Variants in ANKLE2 observed in about 807,000 individuals in gnomAD.
ANKLE2 encodes the protein ankyrin repeat and LEM domain containing 2, also known as ankyrin repeat and LEM domain-containing protein 2.
A neutral mutation model predicts 84.2 loss-of-function variants in ANKLE2; 55 were observed. The ratio of observed to expected loss-of-function variants is 0.65; its 90% CI spans 0.53 to 0.82. ANKLE2 has a LOEUF of 0.82. Ranked by LOEUF, ANKLE2 falls within the 40% of genes least tolerant of loss-of-function variation. The pLI is 0.00. For missense variants in ANKLE2, 1,238 were observed against 1,201.9 expected (o/e 1.03, Z -0.44); for synonymous variants, 551 against 486.1 (o/e 1.13, Z -1.76).
chr12:132,754,682 C>G lies in ANKLE2; in HGVS notation c.633G>C (p.Ala211=). The change falls in exon 2 of 13, where the codon GCG becomes GCC. Residue 211 remains alanine, a synonymous_variant. Coordinates refer to ENST00000357997, the MANE Select transcript of ANKLE2 (RefSeq NM_015114.3). ...GVCPVYEDVP[A]RNERIYVYEN... ...TACACACGGTCCCATTACCATTTCT[C>G]GCTGGGACGTCCTCATACACTGGAC... The G allele has an allele frequency of 6.3e-7, 1 of 1,599,564 alleles. No individual in the cohort carries two copies. The highest frequency in any genetic ancestry group is 8.5e-7 in the Non-Finnish European group (1 of 1,170,834).
intron 1 of ANKLE2, chr12:132,755,524 A>G (rs1159992087): frequency 6.4e-6 from 1 of 155,780 alleles, no homozygotes; most frequent in Non-Finnish European, 1.4e-5. Flanking sequence ...CAGCTTAGAC[A>G]ACAAGAGCGA....
intron 5 of ANKLE2, among the ~76,000 whole-genome samples, chr12:132,746,722 C>T (rs1336156475): frequency 6.6e-6 from 1 of 152,116 alleles, no homozygotes; most frequent in Non-Finnish European, 1.5e-5. Context: ...AAATTCAAGC[C>T]TCACATTACC....
chr12:132,752,280 GA>G (rs2044373776), intron 2 of ANKLE2, among the ~76,000 whole-genome samples: 1 of 152,172 alleles, frequency 6.6e-6, no homozygotes, highest in African/African-American at 2.4e-5. Context: ...GCAGAGGTTG[GA>G]GTGAGCCAAG....
At chr12:132,730,320 C>A in intron 10 of ANKLE2, 50 bp from the exon 11 acceptor site, 2 of 1,474,060 alleles carry the variant, frequency 1.4e-6, no homozygotes, top group South Asian at 1.3e-5. Flanking sequence ...CAGGAAGCCA[C>A]GGAGCTGCTC....
At position 132,747,968 on chromosome 12, in the gene ANKLE2, G is replaced by A; in HGVS notation, c.1094C>T (p.Ser365Phe). 1 of 1,598,578 alleles carries A rather than the reference G, an allele frequency of 6.3e-7. No homozygotes were observed. Among genetic ancestry groups the A allele is most frequent in the Non-Finnish European group, 8.5e-7 (1 of 1,176,190 alleles). The change falls in exon 5 of 13, where the codon TCC (serine) becomes TTC (phenylalanine). Residue 365 changes from serine (S) to phenylalanine (F), a missense_variant. Around this residue, in one of 3 missense-constraint regions of ANKLE2, gnomAD observed 802 missense variants for 774.5 expected, o/e 1.04. Transcript: ENST00000357997. ...MHVAAKENQA[S>F]ICQLTLDVLE... ...GACGTCCAGAGTCAGCTGGCAGATG[G>A]AAGCCTGGTTCTCTTTGGCAGCAAC... is the stretch of plus-strand genomic sequence containing the variant.
intron 8 of ANKLE2, among the ~76,000 whole-genome samples, chr12:132,736,429 A>G (rs755809681): frequency 4.6e-5 from 7 of 152,204 alleles, no homozygotes; most frequent in Non-Finnish European, 8.8e-5. Flanking sequence ...GATGAGTAGA[A>G]CCTGGGGCTG....
intron 1 of ANKLE2, 178 bp downstream of exon 1, chr12:132,761,440 C>T (rs930257187): frequency 7.3e-5 from 36 of 492,236 alleles, no homozygotes; most frequent in African/African-American, 6.9e-4. Context: ...GAAGCCAAGT[C>T]CCCGCAACTG....
Position 132,728,027 on chromosome 12 carries a change from C to T in ANKLE2, c.2615+5G>A. ...CGGGTGACAGGCTGTCCGGGCCCCACATACCTCTGTCTGTCCGAGGGTGAG... is the reference window on the plus strand; with the variant it reads ...CGGGTGACAGGCTGTCCGGGCCCCATATACCTCTGTCTGTCCGAGGGTGAG... On this transcript the variant is annotated splice_donor_5th_base_variant and intron_variant, in intron 12 of 12. Coordinates refer to ENST00000357997, the MANE Select transcript of ANKLE2 (RefSeq NM_015114.3). The T allele has an allele frequency of 1.3e-6, 2 of 1,596,968 alleles. No individual in the cohort carries two copies. The highest frequency in any genetic ancestry group is 1.1e-5 in the South Asian group (1 of 88,900).
intron 12 of ANKLE2, among the ~76,000 whole-genome samples, 189 bp from the exon 13 acceptor site, chr12:132,727,632 G>A (rs1441536391): frequency 4.0e-5 from 6 of 150,936 alleles, no homozygotes; most frequent in Non-Finnish European, 7.4e-5. Flanking sequence ...GGCACCGCGG[G>A]CACACGCGCC....
intron 10 of ANKLE2, among the ~76,000 whole-genome samples, chr12:132,732,363 ATACGCAC>A (rs2043882273): frequency 7.7e-6 from 1 of 130,350 alleles, no homozygotes; most frequent in African/African-American, 3.1e-5. Flanking sequence ...CTGGTGTCTG[ATACGCAC>A]TGTGAAGCGC....
At chr12:132,749,677 T>C (rs1446916271) in intron 3 of ANKLE2, among the ~76,000 whole-genome samples, 1 of 152,196 alleles carries the variant, frequency 6.6e-6, no homozygotes, top group Non-Finnish European at 1.5e-5. Context: ...GAGCAGGAAC[T>C]GAGGCCAGAT....
chr12:132,742,891 G>T (rs2044161148), intron 6 of ANKLE2, among the ~76,000 whole-genome samples: 1 of 66,514 alleles, frequency 1.5e-5, no homozygotes, highest in South Asian at 5.5e-4. Flanking sequence ...AAAAGACTGT[G>T]AGCTGTTCAA....
chr12:132,761,082 A>AT (rs1335580966), intron 1 of ANKLE2: 5 of 152,432 alleles, frequency 3.3e-5, no homozygotes, highest in African/African-American at 1.2e-4. Flanking sequence ...CCCACCTCTG[A>AT]TCTCCACATC....
chr12:132,751,159 TAAAA>T (rs141498622), intron 2 of ANKLE2: 1 of 186,422 alleles, frequency 5.4e-6, no homozygotes, highest in Non-Finnish European at 1.1e-5. Flanking sequence ...AAAGGCAAAT[TAAAA>T]AAAAAAACTA....
chr12:132,727,485 C>T (rs1313940535), intron 12 of ANKLE2, 42 bp from the exon 13 acceptor site: 1 of 1,548,284 alleles, frequency 6.5e-7, no homozygotes, highest in South Asian at 1.2e-5. Flanking sequence ...CGGGCACAGG[C>T]CCGGAGATGA....
chr12:132,747,960 G>C lies in ANKLE2; in HGVS notation c.1102C>G (p.Gln368Glu), dbSNP rs775102809. 2 of 1,598,534 alleles carry C rather than the reference G, an allele frequency of 1.3e-6. No homozygotes were observed. The highest frequency in any genetic ancestry group is 4.5e-5 in the East Asian group (2 of 44,836). ...AAKENQASICQLTLDVLENPD... is the reference protein window; with the variant it reads ...AAKENQASICELTLDVLENPD... Reference sequence around the variant, plus strand: ...TTCTCCAGGACGTCCAGAGTCAGCTGGCAGATGGAAGCCTGGTTCTCTTTG... The same window carrying C: ...TTCTCCAGGACGTCCAGAGTCAGCTCGCAGATGGAAGCCTGGTTCTCTTTG... The change falls in exon 5 of 13, where the codon CAG (glutamine) becomes GAG (glutamate). Residue 368 changes from glutamine (Q) to glutamate (E), a missense_variant. Around this residue, in one of 3 missense-constraint regions of ANKLE2, gnomAD observed 802 missense variants for 774.5 expected, o/e 1.04. Coordinates refer to ENST00000357997, the MANE Select transcript of ANKLE2 (RefSeq NM_015114.3).
At chr12:132,751,787 C>A (rs1275090863) in intron 2 of ANKLE2, among the ~76,000 whole-genome samples, 1 of 151,692 alleles carries the variant, frequency 6.6e-6, no homozygotes, top group Non-Finnish European at 1.5e-5. Flanking sequence ...AGGTGACCTG[C>A]CCACCTCAGC....
chr12:132,742,611 T>C (rs1458805009), intron 6 of ANKLE2: 1 of 152,336 alleles, frequency 6.6e-6, no homozygotes, highest in Non-Finnish European at 1.5e-5. Flanking sequence ...CTGGGTCCGA[T>C]GAGTATGTAT....
chr12:132,761,629 G>T lies in ANKLE2; in HGVS notation c.170C>A (p.Ala57Asp). ...TPVPPPSAAA[A>D]PASGEMTMDA... ...CGCCTGGGCCTTACCTGAGGCGGGG[G>T]CGGCGGCCGCGCTTGGCGGAGGAAC... Residue 57 changes from alanine (A) to aspartate (D), a missense_variant, in exon 1 of 13, where the codon GCC becomes GAC. Transcript: ENST00000357997. 1 of 1,258,364 alleles carries T rather than the reference G, an allele frequency of 7.9e-7. No individual in the cohort carries two copies. The highest frequency in any genetic ancestry group is 1.0e-6 in the Non-Finnish European group (1 of 1,002,066). 77.9% of individuals were successfully genotyped at this position (1,258,364 alleles called of 1,614,324 possible).
Sources: allele counts gnomAD v4.1 joint callset (sites outside exome capture counted in the v4.1 genomes callset), GRCh38; gene constraint gnomAD v4.1.1; regional missense constraint gnomAD v4.1.1; transcripts MANE v1.5; gene names NCBI Gene and HGNC (gene_info 2026-07-23, HGNC 2026-07-21).